The following PTPRD variants were observed in gnomAD, a reference collection of about 807,000 sequenced individuals.
PTPRD encodes the protein receptor-type tyrosine-protein phosphatase delta.
PTPRD carries 34 observed loss-of-function variants against 214.5 expected under a neutral mutation model. The observed-to-expected ratio is 0.16, with a 90% CI of 0.12 to 0.21. PTPRD has a LOEUF of 0.21. PTPRD is among the 10% of genes least tolerant of loss of function. The pLI is 1.00. For missense variants in PTPRD, 2,545 were observed against 2,398.7 expected (o/e 1.06, Z -1.27); for synonymous variants, 1,128 against 845.7 (o/e 1.33, Z -5.79).
In PTPRD at chr9:8,500,954, G is replaced by C. The variant is rs2097391267; in HGVS notation, c.1928C>G (p.Thr643Ser). The C allele has an allele frequency of 6.2e-7, 1 of 1,614,120 alleles. No individual in the cohort carries two copies. ...PPVEKQNGII[T>S]EYSIKYTAVD... The stretch of plus-strand genomic sequence containing the variant: ...TGCAGTGTACTTGATGGAGTATTCA[G>C]TGATAATGCCATTCTGTTTTTCCAC... The change falls in exon 24 of 46, where the codon ACT becomes AGT. Residue 643 changes from threonine to serine, a missense_variant. Transcript: ENST00000381196.
At chr9:9,924,543 GACACTTTCCTTGCCCGAA>G (rs1460813871) in intron 5 of PTPRD, among the ~76,000 whole-genome samples, 4 of 151,974 alleles carry the variant, frequency 2.6e-5, no homozygotes, top group Non-Finnish European at 5.9e-5. Flanking sequence ...GCACACTGAT[GACACTTTCCTTGCCCGAA>G]ACACTTTCCT....
chr9:8,354,889 T>C lies in PTPRD; in HGVS notation c.4662-12911A>G, dbSNP rs182143267. Among the ~76,000 whole-genome samples the C allele has an allele frequency of 2.8e-4, 42 of 152,304 alleles. 1 individual carries two copies. The highest frequency in any genetic ancestry group is 1.6e-3 in the Admixed American group (24 of 15,298). ...CAAGAGAGAAATGCTGTTCCTGTAA[T>C]TGTCTTTTATTCATGAAACATTAGC... On this transcript the variant is annotated intron_variant, in intron 39 of 45. Transcript: ENST00000381196.
chr9:8,383,864 T>C (rs1054008928), intron 37 of PTPRD, among the ~76,000 whole-genome samples: 20 of 152,152 alleles, frequency 1.3e-4, no homozygotes, highest in Middle Eastern at 3.4e-3. Flanking sequence ...GCTGGTGAGG[T>C]GAAGTAAAAG....
chr9:8,413,602 G>A (rs1302893509), intron 35 of PTPRD, among the ~76,000 whole-genome samples: 1 of 152,082 alleles, frequency 6.6e-6, no homozygotes, highest in East Asian at 1.9e-4. Flanking sequence ...AATACCATTA[G>A]TGCTTGCAGG....
rs200107835 is a variant in PTPRD, at chr9:8,932,850, GGCTTCCGTC to G, written c.-104+85838_-104+85846del. Among the ~76,000 whole-genome samples the G allele has an allele frequency of 6.6e-3, 1,003 of 152,196 alleles. 24 individuals carry two copies. Among genetic ancestry groups the G allele is most frequent in the African/African-American group, 0.023 (959 of 41,524 alleles). Reference sequence around the variant, plus strand: ...GCTGAGCTAGACCACTTGGCTCCCTGGCTTCCGTCGCCTTTCCAGGGGAATGAAAGGTTC... The same window carrying G: ...GCTGAGCTAGACCACTTGGCTCCCTGGCCTTTCCAGGGGAATGAAAGGTTC... On this transcript the variant is annotated intron_variant, in intron 11 of 45. Transcript: ENST00000381196.
At chr9:10,260,254 T>G (rs996430462) in intron 3 of PTPRD, among the ~76,000 whole-genome samples, 5 of 152,146 alleles carry the variant, frequency 3.3e-5, no homozygotes, top group African/African-American at 1.2e-4. Flanking sequence ...CAGTACCAAA[T>G]ACACAGAACC....
At chr9:9,978,104 A>ACACACACACG (rs1555422941) in intron 4 of PTPRD, among the ~76,000 whole-genome samples, 171 of 151,172 alleles carry the variant, frequency 1.1e-3, no homozygotes, top group African/African-American at 4.0e-3. Context: ...ATTAAAACAC[A>ACACACACACG]CACACACACA....
chr9:9,546,968 TA>T (rs112152262), intron 8 of PTPRD, among the ~76,000 whole-genome samples: 52,812 of 146,504 alleles, frequency 0.36, 9,599 homozygotes, highest in African/African-American at 0.43. Context: ...TCACTAATGT[TA>T]AAAAAAAAAA....
At chr9:9,066,084 T>C (rs1360631822) in intron 10 of PTPRD, among the ~76,000 whole-genome samples, 1 of 152,132 alleles carries the variant, frequency 6.6e-6, no homozygotes, top group Non-Finnish European at 1.5e-5. Flanking sequence ...AAATATTTCA[T>C]TTATGGTTGT....
intron 5 of PTPRD, among the ~76,000 whole-genome samples, chr9:9,895,873 C>G (rs1275122401): frequency 6.6e-6 from 1 of 152,050 alleles, no homozygotes. Context: ...AAAATCGAGT[C>G]TATCACGAAG....
At chr9:10,605,259 T>C (rs2078997424) in intron 2 of PTPRD, among the ~76,000 whole-genome samples, 1 of 151,890 alleles carries the variant, frequency 6.6e-6, no homozygotes, top group Non-Finnish European at 1.5e-5. Context: ...ACTTCTGCTA[T>C]TATGCTTTGG....
chr9:10,531,893 G>C (rs1171299546), intron 2 of PTPRD, among the ~76,000 whole-genome samples: 5 of 152,162 alleles, frequency 3.3e-5, no homozygotes, highest in Admixed American at 2.6e-4. Context: ...AGTGGACAAT[G>C]GTAACTTTCC....
In PTPRD at chr9:8,331,441, G is replaced by GAGAAATCAATC. The variant is rs1214560506; in HGVS notation, c.5534+130_5534+140dup. 4.9e-5 allele frequency: 48 copies of GAGAAATCAATC among 982,630 alleles called. No individual in the cohort carries two copies. The Admixed American group carries it at 1.0e-3, about 21-fold the overall frequency. The allele number at this position is 982,630 out of a possible 1,614,324, so 60.9% of individuals were successfully genotyped here. A position where few individuals can be genotyped will look rare whatever the true frequency, so the allele number is the denominator to read the frequency against. On this transcript the variant is annotated intron_variant, in intron 44 of 45. Coordinates refer to ENST00000381196, the MANE Select transcript of PTPRD (RefSeq NM_002839.4). ...CTTATTTTCACTTTATGAAAAGAAA[G>GAGAAATCAATC]AGAAATCAATCCTGCTTTAAGTTTT...
chr9:8,767,938 G>C (rs2094889372), intron 11 of PTPRD, among the ~76,000 whole-genome samples: 1 of 152,056 alleles, frequency 6.6e-6, no homozygotes, highest in Non-Finnish European at 1.5e-5. Context: ...GTGAGAATTA[G>C]GATAAAGAGG....
intron 43 of PTPRD, among the ~76,000 whole-genome samples, chr9:8,332,932 A>G (rs1427144878): frequency 6.6e-6 from 1 of 152,144 alleles, no homozygotes; most frequent in Non-Finnish European, 1.5e-5. Context: ...TTTTAGATAC[A>G]CGTGTGCATG....
At chr9:8,369,162 G>T (rs1271358319) in intron 39 of PTPRD, among the ~76,000 whole-genome samples, 3 of 152,098 alleles carry the variant, frequency 2.0e-5, no homozygotes, top group African/African-American at 4.8e-5. Context: ...AACATTAGAA[G>T]AAATAAAAAT....
intron 10 of PTPRD, among the ~76,000 whole-genome samples, chr9:9,102,650 T>C (rs10759040): frequency 0.22 from 33,240 of 152,150 alleles, 4,546 homozygotes; most frequent in South Asian, 0.42. Flanking sequence ...TGGAAAAACA[T>C]TTACCAATGA....
intron 9 of PTPRD, among the ~76,000 whole-genome samples, chr9:9,248,322 G>A: frequency 6.6e-6 from 1 of 152,012 alleles, no homozygotes; most frequent in Non-Finnish European, 1.5e-5. Context: ...TTGAACTCCT[G>A]ACCTCAAGTG....
chr9:9,335,147 C>T (rs975752849), intron 9 of PTPRD, among the ~76,000 whole-genome samples: 9 of 151,868 alleles, frequency 5.9e-5, no homozygotes, highest in East Asian at 1.9e-4. Context: ...CCTGATATTC[C>T]GTGTTAGCTT....
Sources: gnomAD v4.1 joint callset for allele counts (sites outside exome capture counted in the v4.1 genomes callset) on GRCh38, gnomAD v4.1.1 for gene constraint, MANE v1.5 for transcripts, NCBI Gene and HGNC (gene_info 2026-07-23, HGNC 2026-07-21) for gene names.